Variants in GTF2F2 observed in about 807,000 individuals in gnomAD.
GTF2F2 encodes the protein ATP-dependent helicase GTF2F2.
Under a neutral mutation model 42.2 loss-of-function variants are expected in GTF2F2, and 23 were observed. The ratio of observed to expected loss-of-function variants is 0.55; its 90% CI spans 0.39 to 0.77. The LOEUF is 0.77. Ranked by LOEUF, GTF2F2 falls within the 30% of genes least tolerant of loss-of-function variation. The probability of loss-of-function intolerance (pLI) is 0.00; values close to 1 mark genes in which losing one functional copy is unlikely to be tolerated. For missense variants in GTF2F2, 261 were observed against 287.2 expected, an observed-to-expected ratio of 0.91 and a Z score of 0.66; for synonymous variants, 105 against 100.8, an observed-to-expected ratio of 1.04 and a Z score of -0.25.
intron 5 of GTF2F2, among the ~76,000 whole-genome samples, chr13:45,245,102 G>C (rs897401704): frequency 6.6e-6 from 1 of 152,094 alleles, no homozygotes; most frequent in Admixed American, 6.6e-5. Context: ...AAAATAGAAG[G>C]TGGTAATTTT....
intron 7 of GTF2F2, among the ~76,000 whole-genome samples, chr13:45,275,463 C>G (rs1332110818): frequency 8.5e-6 from 1 of 118,208 alleles, no homozygotes; most frequent in Non-Finnish European, 1.7e-5. Flanking sequence ...TCCCCCCACC[C>G]CACGACAGGC....
At chr13:45,152,706 G>C (rs2138121366) in intron 4 of GTF2F2, among the ~76,000 whole-genome samples, 1 of 152,308 alleles carries the variant, frequency 6.6e-6, no homozygotes, top group South Asian at 2.1e-4. Flanking sequence ...CAGTTCAATA[G>C]ATCAGAAGCA....
In GTF2F2 at chr13:45,219,507, G is replaced by T. The variant is rs756991430; in HGVS notation, c.386+12002G>T. 5 of 152,194 alleles carry T rather than the reference G, an allele frequency of 3.3e-5. 1 individual carries two copies. The highest frequency in any genetic ancestry group is 3.3e-4 in the Admixed American group (5 of 15,290). The allele number at this position is 152,194 out of a possible 1,614,324, so 9.4% of individuals were successfully genotyped here. A position where few individuals can be genotyped will look rare whatever the true frequency, so the allele number is the denominator to read the frequency against. ...CAAGATTCATATAAGATGTAAAATG[G>T]TCTCATTCTTTTAGTTTGGAATTTT... On this transcript the variant is annotated intron_variant, in intron 5 of 7. Transcript: ENST00000340473.
chr13:45,202,805 T>C (rs1873257920), intron 4 of GTF2F2, among the ~76,000 whole-genome samples: 1 of 151,898 alleles, frequency 6.6e-6, no homozygotes, highest in African/African-American at 2.4e-5. Context: ...ATACAAAAAT[T>C]AGCTGGGCAT....
At chr13:45,157,684 C>A (rs1870829174) in intron 4 of GTF2F2, among the ~76,000 whole-genome samples, 1 of 152,118 alleles carries the variant, frequency 6.6e-6, no homozygotes, top group Admixed American at 6.5e-5. Flanking sequence ...GCAGTCCTCC[C>A]ACCTCAGCCT....
At chr13:45,142,106 A>G (rs1161936573) in intron 2 of GTF2F2, among the ~76,000 whole-genome samples, 1 of 152,194 alleles carries the variant, frequency 6.6e-6, no homozygotes, top group African/African-American at 2.4e-5. Flanking sequence ...ACCTCAGTAG[A>G]AGTGAGTTGA....
chr13:45,140,676 T>A (rs924254582), intron 2 of GTF2F2, among the ~76,000 whole-genome samples: 2 of 152,240 alleles, frequency 1.3e-5, no homozygotes, highest in Non-Finnish European at 2.9e-5. Flanking sequence ...TATTGAAATG[T>A]ACAGGTTTTT....
At chr13:45,240,769 A>C (rs1019494941) in intron 5 of GTF2F2, among the ~76,000 whole-genome samples, 2 of 152,120 alleles carry the variant, frequency 1.3e-5, no homozygotes, top group African/African-American at 4.8e-5. Flanking sequence ...CGGAGGTTGC[A>C]GTGAGCTGAG....
rs1380304347 is a variant in GTF2F2 at position 45,284,733 on chromosome 13, A to G, written c.*1172A>G. On this transcript the variant is annotated 3_prime_UTR_variant, in exon 8 of 8. Coordinates refer to ENST00000340473, the MANE Select transcript of GTF2F2 (RefSeq NM_004128.3). ...GGAGCAATGCCAAAAATTGAAGAAA[A>G]TATTATATAATTAAAGCAAGAAGAT... 5.3e-5 allele frequency: 8 copies of G among 152,230 alleles called. No individual in the cohort carries two copies. Among genetic ancestry groups the G allele is most frequent in the African/African-American group, 1.9e-4 (8 of 41,472 alleles). The allele number at this position is 152,230 out of a possible 1,614,324, so 9.4% of individuals were successfully genotyped here.
chr13:45,156,614 C>T (rs1870768440), intron 4 of GTF2F2, among the ~76,000 whole-genome samples: 2 of 152,000 alleles, frequency 1.3e-5, no homozygotes, highest in Non-Finnish European at 1.5e-5. Flanking sequence ...TTTTTGCCAT[C>T]AGGTAAGTCG....
At chr13:45,230,304 G>A (rs1343375397) in intron 5 of GTF2F2, among the ~76,000 whole-genome samples, 1 of 152,168 alleles carries the variant, frequency 6.6e-6, no homozygotes, top group African/African-American at 2.4e-5. Context: ...TGATGAGAAA[G>A]CCATTCAGAT....
At chr13:45,202,808 C>T (rs1873258177) in intron 4 of GTF2F2, among the ~76,000 whole-genome samples, 4 of 152,036 alleles carry the variant, frequency 2.6e-5, no homozygotes, top group Admixed American at 2.6e-4. Context: ...CAAAAATTAG[C>T]TGGGCATGGT....
At chr13:45,212,404 G>T (rs1033110559) in intron 5 of GTF2F2, among the ~76,000 whole-genome samples, 6 of 150,966 alleles carry the variant, frequency 4.0e-5, no homozygotes, top group African/African-American at 7.3e-5. Context: ...CTTAAATGCT[G>T]CATCTTCTAC....
At chr13:45,178,045 T>G (rs1459310567) in intron 4 of GTF2F2, among the ~76,000 whole-genome samples, 1 of 152,186 alleles carries the variant, frequency 6.6e-6, no homozygotes, top group Non-Finnish European at 1.5e-5. Context: ...TTCATTGAGC[T>G]TCTTGTGTCT....
At chr13:45,140,646 T>G (rs1869881043) in intron 2 of GTF2F2, among the ~76,000 whole-genome samples, 1 of 152,242 alleles carries the variant, frequency 6.6e-6, no homozygotes, top group Non-Finnish European at 1.5e-5. Flanking sequence ...TGTCATACTT[T>G]TATTGAAAGA....
intron 2 of GTF2F2, among the ~76,000 whole-genome samples, chr13:45,145,660 T>G (rs1234210959): frequency 6.6e-6 from 1 of 152,246 alleles, no homozygotes; most frequent in Non-Finnish European, 1.5e-5. Flanking sequence ...TGTGCTTCTT[T>G]TCCAAAAGTG....
intron 2 of GTF2F2, among the ~76,000 whole-genome samples, chr13:45,146,019 T>A (rs1593453733): frequency 6.6e-6 from 1 of 152,156 alleles, no homozygotes; most frequent in East Asian, 1.9e-4. Flanking sequence ...AGCGATGCCC[T>A]CCTTACCTGA....
intron 5 of GTF2F2, among the ~76,000 whole-genome samples, chr13:45,219,770 A>G (rs1874035843): frequency 6.6e-6 from 1 of 152,174 alleles, no homozygotes; most frequent in African/African-American, 2.4e-5. Flanking sequence ...AGATATTTCT[A>G]TTGTCATATA....
rs1289486856 is a variant in GTF2F2 at position 45,252,920 on chromosome 13, G to A, written c.436G>A (p.Asp146Asn). ...SKPVRLSQQL[D>N]KVVTTNYKPV... Reference sequence around the variant, plus strand: ...ACCAGTGAGGCTATCACAACAGCTGGACAAAGTTGTAACAACCAATTACAA... The same window carrying A: ...ACCAGTGAGGCTATCACAACAGCTGAACAAAGTTGTAACAACCAATTACAA... Residue 146 changes from aspartate (D) to asparagine (N), a missense_variant, in exon 6 of 8, where the codon GAC becomes AAC. By Grantham distance (23) the Asp-to-Asn change is conservative. Transcript: ENST00000340473. 1 of 1,509,396 alleles carries A rather than the reference G, an allele frequency of 6.6e-7. No homozygotes were observed. The highest frequency in any genetic ancestry group is 1.5e-5 in the African/African-American group (1 of 67,996). 93.5% of individuals were successfully genotyped at this position (1,509,396 alleles called of 1,614,324 possible). A position where few individuals can be genotyped will look rare whatever the true frequency, so the allele number is the denominator to read the frequency against.
Sources: allele counts gnomAD v4.1 joint callset (sites outside exome capture counted in the v4.1 genomes callset), GRCh38; gene constraint gnomAD v4.1.1; transcripts MANE v1.5; gene names NCBI Gene and HGNC (gene_info 2026-07-23, HGNC 2026-07-21).